The following CAMK2D variants were observed in gnomAD, a reference collection of about 807,000 sequenced individuals.
The protein encoded by CAMK2D is calcium/calmodulin dependent protein kinase II delta.
CAMK2D carries 37 observed loss-of-function variants against 84.0 expected under a neutral mutation model. That is an observed-to-expected ratio of 0.44 (90% CI 0.34 to 0.58). The LOEUF is 0.58. Ranked by LOEUF, CAMK2D falls within the 20% of genes least tolerant of loss-of-function variation. CAMK2D has a pLI of 0.02. For synonymous variants in CAMK2D, 202 were observed against 212.5 expected (o/e 0.95, Z 0.43); for missense variants, 448 against 652.5 (o/e 0.69, Z 3.41).
intron 3 of CAMK2D, among the ~76,000 whole-genome samples, chr4:113,621,280 A>C (rs1053804468): frequency 6.6e-6 from 1 of 151,572 alleles, no homozygotes; most frequent in African/African-American, 2.4e-5. Context: ...ATTTTAATTA[A>C]GTTTTCTTCC....
intron 4 of CAMK2D, among the ~76,000 whole-genome samples, chr4:113,559,336 A>G (rs1366080405): frequency 6.6e-6 from 1 of 152,250 alleles, no homozygotes; most frequent in African/African-American, 2.4e-5. Context: ...TTCAAACACT[A>G]TAATATGGAC....
intron 8 of CAMK2D, among the ~76,000 whole-genome samples, chr4:113,519,359 G>A (rs2098327973): frequency 6.6e-6 from 1 of 152,128 alleles, no homozygotes; most frequent in African/African-American, 2.4e-5. Flanking sequence ...CTGGGAAGAG[G>A]AAGCTCACAG....
At chr4:113,640,848 A>G (rs545767383) in intron 3 of CAMK2D, among the ~76,000 whole-genome samples, 1 of 152,370 alleles carries the variant, frequency 6.6e-6, no homozygotes, top group South Asian at 2.1e-4. Flanking sequence ...AGGTAGAAGG[A>G]TAATTACCTG....
At chr4:113,674,999 G>C (rs2099312367) in intron 2 of CAMK2D, among the ~76,000 whole-genome samples, 1 of 152,204 alleles carries the variant, frequency 6.6e-6, no homozygotes. Flanking sequence ...TTAGCTTCTT[G>C]CAGTAGAATT....
At chr4:113,654,583 C>A in intron 3 of CAMK2D, among the ~76,000 whole-genome samples, 1 of 151,924 alleles carries the variant, frequency 6.6e-6, no homozygotes, top group Non-Finnish European at 1.5e-5. Flanking sequence ...CCAAAAACAA[C>A]CTCAAAACTC....
At chr4:113,648,850 G>A (rs921157155) in intron 3 of CAMK2D, among the ~76,000 whole-genome samples, 2 of 152,112 alleles carry the variant, frequency 1.3e-5, no homozygotes, top group Admixed American at 1.3e-4. Context: ...AGGGGTTTGG[G>A]TAGTGGCATT....
Position 113,454,049 on chromosome 4 carries a change from C to G in CAMK2D, c.*496G>C, listed in dbSNP as rs2097276112. On this transcript the variant is annotated 3_prime_UTR_variant, in exon 21 of 21. Coordinates refer to ENST00000511664, the MANE Select transcript of CAMK2D (RefSeq NM_001321571.2). ...AAAAATCATCCATTTTAACCAGGAT[C>G]ACACCAGGAAACTGAAGGTGTATTT... 6.9e-6 allele frequency: 1 copy of G among 144,070 alleles called. No homozygotes were observed. Among genetic ancestry groups the G allele is most frequent in the East Asian group, 2.1e-4 (1 of 4,846 alleles). The allele number at this position is 144,070 out of a possible 1,614,324, so 8.9% of individuals were successfully genotyped here.
At chr4:113,488,402 C>T (rs989364855) in intron 16 of CAMK2D, among the ~76,000 whole-genome samples, 12 of 152,114 alleles carry the variant, frequency 7.9e-5, no homozygotes, top group African/African-American at 1.4e-4. Flanking sequence ...TGAATTTTTG[C>T]GTGAGTGGAA....
At chr4:113,471,521 A>G (rs1477510796) in intron 16 of CAMK2D, among the ~76,000 whole-genome samples, 1 of 152,118 alleles carries the variant, frequency 6.6e-6, no homozygotes, top group Non-Finnish European at 1.5e-5. Context: ...GGAATTTCTC[A>G]TCTTGGATAG....
Position 113,657,519 on chromosome 4 carries a change from T to G in CAMK2D, c.220+4194A>C, listed in dbSNP as rs1037103829. 2.8e-4 allele frequency among the ~76,000 whole-genome samples: 42 copies of G among 152,228 alleles called. 1 individual carries two copies. Among genetic ancestry groups the G allele is most frequent in the Admixed American group, 6.5e-4 (10 of 15,282 alleles). ...CAAGAGAATGCTGAAAATTAGCATA[T>G]ATATATAAGATTATAAAAAGGCAAA... On this transcript the variant is annotated intron_variant, in intron 3 of 20. Transcript: ENST00000511664.
intron 5 of CAMK2D, among the ~76,000 whole-genome samples, chr4:113,551,178 A>T (rs768727748): frequency 7.0e-4 from 106 of 152,328 alleles, no homozygotes; most frequent in Non-Finnish European, 1.1e-3. Context: ...ATAAAAGTAC[A>T]CAGGAAAATT....
chr4:113,554,955 GA>G (rs138365534), intron 4 of CAMK2D, among the ~76,000 whole-genome samples: 15 of 131,386 alleles, frequency 1.1e-4, no homozygotes, highest in Non-Finnish European at 1.8e-4. Flanking sequence ...GGCTCACAAG[GA>G]AAAAAAAAGA....
rs143174027 is a variant in CAMK2D, at chr4:113,724,638, T to G, written c.160+34682A>C. On this transcript the variant is annotated intron_variant, in intron 2 of 20. Coordinates refer to ENST00000511664, the MANE Select transcript of CAMK2D (RefSeq NM_001321571.2). The stretch of plus-strand genomic sequence containing the variant: ...TTTGGTTATTTGTTTATTATTTGTT[T>G]GAAATAAGCGGCTTTTGGTTCTACT... 9.9e-4 allele frequency among the ~76,000 whole-genome samples: 151 copies of G among 152,070 alleles called. 3 individuals carry two copies. In the East Asian group the frequency reaches 0.026, roughly 26 times the overall value.
chr4:113,601,942 T>C (rs1271743809), intron 4 of CAMK2D, among the ~76,000 whole-genome samples: 6 of 152,074 alleles, frequency 3.9e-5, no homozygotes, highest in Non-Finnish European at 8.8e-5. Context: ...AGCGATCTCC[T>C]GTCTCAGCCT....
Position 113,519,520 on chromosome 4 carries a change from T to TGACTTA in CAMK2D, c.602-1864_602-1863insTAAGTC, listed in dbSNP as rs562223840. ...AAAAACACTTTTAGGCCCAAAGACT[T>TGACTTA]AAAAAAAAAACATATTATAGGTGCT... On this transcript the variant is annotated intron_variant, in intron 8 of 20. Transcript: ENST00000511664. Among the ~76,000 whole-genome samples, 30 of 149,564 alleles carry TGACTTA rather than the reference T, an allele frequency of 2.0e-4. 1 individual carries two copies. Among genetic ancestry groups the TGACTTA allele is most frequent in the Admixed American group, 1.7e-3 (25 of 15,008 alleles).
At chr4:113,615,285 T>C (rs1405406231) in intron 3 of CAMK2D, among the ~76,000 whole-genome samples, 1 of 152,000 alleles carries the variant, frequency 6.6e-6, no homozygotes, top group Non-Finnish European at 1.5e-5. Context: ...TATATACATA[T>C]ATGTATTAAT....
At chr4:113,740,544 A>ATTAC (rs772974560) in intron 2 of CAMK2D, among the ~76,000 whole-genome samples, 6 of 152,108 alleles carry the variant, frequency 3.9e-5, no homozygotes, top group Non-Finnish European at 7.4e-5. Flanking sequence ...TCTCACATTT[A>ATTAC]AGTCAAGACC....
intron 2 of CAMK2D, among the ~76,000 whole-genome samples, chr4:113,670,708 G>T (rs2099277509): frequency 6.6e-6 from 1 of 151,526 alleles, no homozygotes; most frequent in Non-Finnish European, 1.5e-5. Context: ...GAGATTAGAA[G>T]GACCCAGAAT....
intron 3 of CAMK2D, among the ~76,000 whole-genome samples, chr4:113,637,597 T>C (rs1470135418): frequency 1.3e-5 from 2 of 152,154 alleles, no homozygotes; most frequent in Non-Finnish European, 2.9e-5. Flanking sequence ...TTTGGGCACA[T>C]AATCAAAAAT....
Sources: gnomAD v4.1 joint callset for allele counts (sites outside exome capture counted in the v4.1 genomes callset) on GRCh38, gnomAD v4.1.1 for gene constraint, MANE v1.5 for transcripts, NCBI Gene and HGNC (gene_info 2026-07-23, HGNC 2026-07-21) for gene names.